MED27: variants seen among roughly 807,000 people sequenced by gnomAD.
MED27 encodes the protein mediator complex subunit 27.
MED27 carries 30 observed loss-of-function variants against 38.2 expected under a neutral mutation model. The observed-to-expected ratio is 0.79, with a 90% CI of 0.59 to 1.07. The LOEUF (loss-of-function observed/expected upper bound fraction) is 1.07. Ranked by LOEUF, MED27 falls within the 50% of genes least tolerant of loss-of-function variation. The probability of loss-of-function intolerance (pLI) is 0.00; values close to 1 mark genes in which losing one functional copy is unlikely to be tolerated. For synonymous variants in MED27, 122 were observed against 153.5 expected, an observed-to-expected ratio of 0.79 and a Z score of 1.52; for missense variants, 289 against 397.5, an observed-to-expected ratio of 0.73 and a Z score of 2.32.
At chr9:131,959,393 G>T (rs7862840) in intron 3 of MED27, among the ~76,000 whole-genome samples, 2,153 of 152,192 alleles carry the variant, frequency 0.014, 54 homozygotes, top group African/African-American at 0.049. Flanking sequence ...CAAGTAACTG[G>T]GTCTTTTGCC....
In MED27 at chr9:131,895,257, G is replaced by A. The variant is rs4268169; in HGVS notation, c.574-1265C>T. Among the ~76,000 whole-genome samples the A allele has an allele frequency of 9.8e-3, 1,492 of 152,294 alleles. 79 individuals carry two copies. Among genetic ancestry groups the A allele is most frequent in the Admixed American group, 0.071 (1,092 of 15,304 alleles). ...TCATTTCGTATATGAGAACCTGGAC[G>A]CAGACCCCAGCCTGGGACCCACCCG... On this transcript the variant is annotated intron_variant, in intron 4 of 7. Coordinates refer to ENST00000292035, the MANE Select transcript of MED27 (RefSeq NM_004269.4).
chr9:131,956,086 A>C (rs1831090705), intron 3 of MED27, among the ~76,000 whole-genome samples: 1 of 152,232 alleles, frequency 6.6e-6, no homozygotes, highest in Admixed American at 6.5e-5. Flanking sequence ...AAATCAACCC[A>C]TGCTGTGTTC....
At chr9:132,052,780 A>G (rs1478093418) in intron 2 of MED27, among the ~76,000 whole-genome samples, 3 of 150,746 alleles carry the variant, frequency 2.0e-5, no homozygotes, top group African/African-American at 7.3e-5. Context: ...TTGACCTTCC[A>G]TTTCTGAGTT....
chr9:132,042,597 A>T (rs1389419119), intron 2 of MED27, among the ~76,000 whole-genome samples: 1 of 152,178 alleles, frequency 6.6e-6, no homozygotes, highest in Non-Finnish European at 1.5e-5. Context: ...CACTGAAGGA[A>T]ATGCCAAGAA....
intron 3 of MED27, among the ~76,000 whole-genome samples, chr9:131,985,126 T>G (rs1389779349): frequency 6.6e-6 from 1 of 152,190 alleles, no homozygotes; most frequent in Non-Finnish European, 1.5e-5. Context: ...TGTTTTATCT[T>G]CTTTTATGTC....
intron 4 of MED27, among the ~76,000 whole-genome samples, chr9:131,921,623 C>A (rs1296929862): frequency 3.3e-5 from 5 of 152,184 alleles, no homozygotes; most frequent in Non-Finnish European, 7.3e-5. Flanking sequence ...GTGGCAATTC[C>A]TCAAGGATCT....
chr9:131,959,150 C>A (rs1266311625), intron 3 of MED27, among the ~76,000 whole-genome samples: 2 of 152,230 alleles, frequency 1.3e-5, no homozygotes, highest in African/African-American at 4.8e-5. Context: ...AGGCGTCCAA[C>A]TGCCTTGGTC....
At chr9:131,931,922 G>A (rs1261396252) in intron 4 of MED27, among the ~76,000 whole-genome samples, 1 of 152,112 alleles carries the variant, frequency 6.6e-6, no homozygotes, top group Non-Finnish European at 1.5e-5. Context: ...CCCAATTTCA[G>A]CATCGGACAG....
chr9:131,903,892 T>A (rs1243697409), intron 4 of MED27, among the ~76,000 whole-genome samples: 1 of 3,068 alleles, frequency 3.3e-4, no homozygotes, highest in Non-Finnish European at 7.6e-4. Flanking sequence ...CACACACAGC[T>A]TTTTTTTTTT....
At chr9:131,991,883 G>A (rs1046399260) in intron 3 of MED27, among the ~76,000 whole-genome samples, 4 of 151,930 alleles carry the variant, frequency 2.6e-5, no homozygotes, top group Admixed American at 1.3e-4. Flanking sequence ...CACCATGCCC[G>A]GCTAAGTTTT....
At chr9:132,017,955 C>T (rs998092524) in intron 2 of MED27, among the ~76,000 whole-genome samples, 1 of 152,134 alleles carries the variant, frequency 6.6e-6, no homozygotes, top group Non-Finnish European at 1.5e-5. Context: ...TTATTGAACA[C>T]GTAAGAGGCT....
chr9:131,896,604 G>C (rs2131508510), intron 4 of MED27, among the ~76,000 whole-genome samples: 1 of 152,064 alleles, frequency 6.6e-6, no homozygotes, highest in Admixed American at 6.5e-5. Flanking sequence ...AGTTGTTCCT[G>C]GTCTTGAGAT....
chr9:131,873,800 G>A (rs1211982167), intron 6 of MED27, among the ~76,000 whole-genome samples: 1 of 152,180 alleles, frequency 6.6e-6, no homozygotes, highest in Non-Finnish European at 1.5e-5. Context: ...GTCTGAGAGG[G>A]GCGAGCCTGT....
intron 4 of MED27, 127 bp downstream of exon 4, chr9:131,939,252 CTA>C (rs1830739934): frequency 2.0e-6 from 1 of 497,134 alleles, no homozygotes. Context: ...AGTAAAGAAA[CTA>C]TGTTATTCAC....
At position 132,028,803 on chromosome 9, in the gene MED27, G is replaced by T. The variant is rs1832885424; in HGVS notation, c.349-14336C>A. Among the ~76,000 whole-genome samples, 3 of 152,132 alleles carry T rather than the reference G, an allele frequency of 2.0e-5. No homozygotes were observed. The South Asian group carries it at 6.2e-4, about 32-fold the overall frequency. ...TGCTTGCCAAAAGTGCAGATTCCAG[G>T]GGCCCACCTCCAATCTGTGGGATCA... On this transcript the variant is annotated intron_variant, in intron 2 of 7. Transcript: ENST00000292035.
intron 2 of MED27, among the ~76,000 whole-genome samples, chr9:132,034,215 T>C (rs147108526): frequency 1.4e-3 from 213 of 152,304 alleles, no homozygotes; most frequent in African/African-American, 5.1e-3. Flanking sequence ...AACATATCAT[T>C]AGGTCTCATA....
intron 3 of MED27, among the ~76,000 whole-genome samples, chr9:132,011,093 C>T (rs545364484): frequency 4.6e-5 from 7 of 152,114 alleles, no homozygotes; most frequent in Admixed American, 1.3e-4. Context: ...TATTGATATG[C>T]AAATTTGAAT....
At chr9:132,066,461 A>C (rs1480819968) in intron 2 of MED27, among the ~76,000 whole-genome samples, 1 of 152,212 alleles carries the variant, frequency 6.6e-6, no homozygotes, top group Non-Finnish European at 1.5e-5. Flanking sequence ...ATAAAAAGAC[A>C]ACAAAGTTCT....
chr9:132,044,383 GCTT>G (rs1266858632), intron 2 of MED27, among the ~76,000 whole-genome samples: 1 of 152,142 alleles, frequency 6.6e-6, no homozygotes, highest in East Asian at 1.9e-4. Context: ...TTTCTCTTAC[GCTT>G]CTTACTTCTC....
Sources: allele counts gnomAD v4.1 joint callset (sites outside exome capture counted in the v4.1 genomes callset), GRCh38; gene constraint gnomAD v4.1.1; transcripts MANE v1.5; gene names NCBI Gene and HGNC (gene_info 2026-07-23, HGNC 2026-07-21).